PRDM16: variants seen among roughly 807,000 people sequenced by gnomAD.
PRDM16 encodes the protein PR/SET domain 16, also known as histone-lysine N-methyltransferase PRDM16.
In PRDM16, 23 loss-of-function variants were observed where a neutral mutation model predicts 110.6. The observed-to-expected ratio is 0.21, with a 90% CI of 0.15 to 0.29. The LOEUF is 0.29. PRDM16 is among the 10% of genes least tolerant of loss of function. The pLI, the probability that PRDM16 is intolerant of heterozygous loss-of-function variation, is 1.00. For synonymous variants in PRDM16, 799 were observed against 781.8 expected (o/e 1.02, Z -0.37); for missense variants, 1,615 against 1,794.3 (o/e 0.90, Z 1.81).
At chr1:3,295,595 A>G (rs1641070243) in intron 3 of PRDM16, among the ~76,000 whole-genome samples, 1 of 152,150 alleles carries the variant, frequency 6.6e-6, no homozygotes, top group Non-Finnish European at 1.5e-5. Flanking sequence ...GCCGTAACTC[A>G]GGAGCCGAGC....
At position 3,290,826 on chromosome 1, in the gene PRDM16, AC is replaced by A. The variant is rs745825220; in HGVS notation, c.438+46690del. ...GGGATACGCCGAGCTGAACTTGGCC[AC>A]ATAATGCCGCTCTGTTTGGGAAGGG... On this transcript the variant is annotated intron_variant, in intron 3 of 16. Coordinates refer to ENST00000270722, the MANE Select transcript of PRDM16 (RefSeq NM_022114.4). This position sits in a 1 kb window ranked among gnomAD's most constrained non-coding sequence, Gnocchi z 4.8. 2.0e-4 allele frequency among the ~76,000 whole-genome samples: 31 copies of A among 152,130 alleles called. No individual in the cohort carries two copies. Among genetic ancestry groups the A allele is most frequent in the Middle Eastern group, 3.4e-3 (1 of 294 alleles).
intron 3 of PRDM16, among the ~76,000 whole-genome samples, chr1:3,368,687 A>G (rs1445862196): frequency 6.6e-6 from 1 of 152,218 alleles, no homozygotes; most frequent in Non-Finnish European, 1.5e-5. Flanking sequence ...TAAATTCAGC[A>G]GGATTTTTTC....
intron 1 of PRDM16, among the ~76,000 whole-genome samples, chr1:3,136,124 G>A (rs1643433466): frequency 6.6e-6 from 1 of 152,100 alleles, no homozygotes; most frequent in Admixed American, 6.5e-5. Context: ...GGGAAGAAAG[G>A]GGGTCTCGGG....
In PRDM16 at chr1:3,431,963, C is replaced by T. The variant is rs555787445; in HGVS notation, c.3522-3C>T. On this transcript the variant is annotated splice_polypyrimidine_tract_variant and splice_region_variant and intron_variant, in intron 15 of 16. Coordinates refer to ENST00000270722, the MANE Select transcript of PRDM16 (RefSeq NM_022114.4). ...CCTTCCCTCTCCCCGGTCATTGGTGCAGGTGTGCTGAGGACCACGAAGGCG... is the reference window on the plus strand; with the variant it reads ...CCTTCCCTCTCCCCGGTCATTGGTGTAGGTGTGCTGAGGACCACGAAGGCG... The T allele has an allele frequency of 1.9e-6, 3 of 1,612,040 alleles. No homozygotes were observed. Among genetic ancestry groups the T allele is most frequent in the South Asian group, 2.2e-5 (2 of 90,898 alleles).
intron 3 of PRDM16, among the ~76,000 whole-genome samples, chr1:3,253,849 T>C (rs1019934580): frequency 1.3e-4 from 20 of 152,270 alleles, no homozygotes; most frequent in African/African-American, 4.1e-4. Context: ...TTCCTATTTC[T>C]CCACATCCTC....
At chr1:3,332,951 C>CT (rs1488505771) in intron 3 of PRDM16, among the ~76,000 whole-genome samples, 1 of 152,142 alleles carries the variant, frequency 6.6e-6, no homozygotes, top group Non-Finnish European at 1.5e-5. Context: ...TGCCTCACTC[C>CT]TTTTCTTGGC....
At chr1:3,169,833 T>C (rs2651934) in intron 1 of PRDM16, among the ~76,000 whole-genome samples, 32,609 of 152,200 alleles carry the variant, frequency 0.21, 4,713 homozygotes, top group African/African-American at 0.4. Context: ...GCCGTGTCCA[T>C]GGGCCACGCT....
intron 1 of PRDM16, among the ~76,000 whole-genome samples, chr1:3,104,395 G>A (rs566960963): frequency 4.5e-4 from 69 of 152,334 alleles, no homozygotes; most frequent in African/African-American, 1.6e-3. Flanking sequence ...TCCGTGCACA[G>A]GGCCTTGCTG....
intron 5 of PRDM16, among the ~76,000 whole-genome samples, chr1:3,397,619 C>T (rs1394037542): frequency 6.6e-6 from 1 of 152,264 alleles, no homozygotes; most frequent in African/African-American, 2.4e-5. Context: ...CGCAAGTGAA[C>T]AGGAACGCAA....
chr1:3,149,777 C>T (rs992013874), intron 1 of PRDM16, among the ~76,000 whole-genome samples: 9 of 152,252 alleles, frequency 5.9e-5, no homozygotes, highest in Admixed American at 2.0e-4. Flanking sequence ...CCACCTTCAC[C>T]GCTCAGGAGG....
At chr1:3,384,257 C>T (rs1183928610) in intron 3 of PRDM16, among the ~76,000 whole-genome samples, 3 of 152,184 alleles carry the variant, frequency 2.0e-5, no homozygotes, top group African/African-American at 7.2e-5. Context: ...GCCCCATCCC[C>T]TGCCCCCTGC....
At chr1:3,100,204 C>T (rs1307464142) in intron 1 of PRDM16, among the ~76,000 whole-genome samples, 2 of 152,164 alleles carry the variant, frequency 1.3e-5, no homozygotes, top group Admixed American at 6.5e-5. Context: ...AGAGCTTGCC[C>T]CCTGCCCGCT....
intron 12 of PRDM16, among the ~76,000 whole-genome samples, chr1:3,424,207 C>T (rs1420106580): frequency 1.3e-5 from 2 of 152,232 alleles, no homozygotes; most frequent in East Asian, 1.9e-4. Flanking sequence ...CCCCAGCTCC[C>T]CCTCTTCGTT....
In PRDM16 at chr1:3,436,911, C is replaced by T. The variant is rs1638924864; in HGVS notation, c.*3100C>T. 4.3e-6 allele frequency: 1 copy of T among 232,970 alleles called. No homozygotes were observed. The highest frequency in any genetic ancestry group is 5.6e-5 in the Admixed American group (1 of 17,754). 14.4% of individuals were successfully genotyped at this position (232,970 alleles called of 1,614,324 possible). A position where few individuals can be genotyped will look rare whatever the true frequency, so the allele number is the denominator to read the frequency against. On this transcript the variant is annotated 3_prime_UTR_variant, in exon 17 of 17. Coordinates refer to ENST00000270722, the MANE Select transcript of PRDM16 (RefSeq NM_022114.4). ...CTCCTTGGATTGTCAACCCCCATCC[C>T]CCAAATGGAAATTCCGAAGGAGGCC...
intron 3 of PRDM16, among the ~76,000 whole-genome samples, chr1:3,323,288 TGA>T (rs1411838721): frequency 6.6e-6 from 1 of 152,006 alleles, no homozygotes; most frequent in Admixed American, 6.5e-5. Context: ...AAGACGACGG[TGA>T]GAGTCCGACC....
chr1:3,292,793 G>A (rs1350205600), intron 3 of PRDM16, among the ~76,000 whole-genome samples: 2 of 152,230 alleles, frequency 1.3e-5, no homozygotes, highest in Admixed American at 1.3e-4. Flanking sequence ...CCAGCACATC[G>A]GTGGGGGCTC....
chr1:3,398,723 T>A (rs538587452), intron 5 of PRDM16, among the ~76,000 whole-genome samples: 1 of 152,378 alleles, frequency 6.6e-6, no homozygotes, highest in African/African-American at 2.4e-5. Context: ...GAGGCGCAGA[T>A]ATGACAAACA....
At chr1:3,177,718 C>G (rs1382481858) in intron 1 of PRDM16, among the ~76,000 whole-genome samples, 1 of 152,262 alleles carries the variant, frequency 6.6e-6, no homozygotes, top group Non-Finnish European at 1.5e-5. Context: ...GCTGTGTGGT[C>G]AACCAGGGAC....
At position 3,082,981 on chromosome 1, in the gene PRDM16, G is replaced by A. The variant is rs75847750; in HGVS notation, c.37+13685G>A. ...GAAACACAGAGGAAGAGGTGGGGGC[G>A]CTGGAGATCGAGCCCCCCTGCTGGG... On this transcript the variant is annotated intron_variant, in intron 1 of 16. Transcript: ENST00000270722. Among the ~76,000 whole-genome samples the A allele has an allele frequency of 1.3e-4, 20 of 152,330 alleles. No individual in the cohort carries two copies. In the East Asian group the frequency reaches 1.7e-3, roughly 13 times the overall value.
Sources: allele counts gnomAD v4.1 joint callset (sites outside exome capture counted in the v4.1 genomes callset), GRCh38; gene constraint gnomAD v4.1.1; non-coding constraint Gnocchi (gnomAD v3.1); transcripts MANE v1.5; gene names NCBI Gene and HGNC (gene_info 2026-07-23, HGNC 2026-07-21).